Variants in PXT1 observed in about 807,000 individuals in gnomAD.
PXT1 encodes the protein peroxisomal testis enriched protein 1.
In PXT1, 11 loss-of-function variants were observed where a neutral mutation model predicts 11.0. The observed-to-expected ratio is 1.00, with a 90% CI of 0.63 to 1.66. PXT1 has a LOEUF of 1.66. Among genes scored for constraint, PXT1 ranks in the 40% most tolerant of loss-of-function variants. The pLI is 0.00. For missense variants in PXT1, 141 were observed against 155.5 expected (o/e 0.91, Z 0.49); for synonymous variants, 43 against 51.4 (o/e 0.84, Z 0.70).
chr6:36,420,252 T>C (rs1056578239), intron 3 of PXT1, among the ~76,000 whole-genome samples: 1 of 152,204 alleles, frequency 6.6e-6, no homozygotes, highest in South Asian at 2.1e-4. Flanking sequence ...TTGGTTTCAA[T>C]ATTAAGTAAT....
intron 3 of PXT1, among the ~76,000 whole-genome samples, chr6:36,403,298 T>G (rs1774240090): frequency 6.6e-6 from 1 of 152,266 alleles, no homozygotes. Context: ...TATGTCTGGC[T>G]GCAAAGCCCA....
chr6:36,438,198 C>A (rs1561935999), intron 2 of PXT1, among the ~76,000 whole-genome samples: 1 of 152,096 alleles, frequency 6.6e-6, no homozygotes, highest in Non-Finnish European at 1.5e-5. Context: ...CCACTATTAA[C>A]AATTTACCAG....
At chr6:36,429,508 C>CTTTTTTTTTTTTTTTTTTTTTTTTTTTTT (rs112777415) in intron 2 of PXT1, among the ~76,000 whole-genome samples, 1 of 108,214 alleles carries the variant, frequency 9.2e-6, no homozygotes. Context: ...TTTTTCTTTT[C>CTTTTTTTTTTTTTTTTTTTTTTTTTTTTT]TTTTTTTTTT....
At chr6:36,436,773 TG>T (rs1326312112) in intron 2 of PXT1, among the ~76,000 whole-genome samples, 4 of 152,168 alleles carry the variant, frequency 2.6e-5, no homozygotes, top group Admixed American at 6.5e-5. Flanking sequence ...AAAAATGCCA[TG>T]TAAGTAAAAG....
chr6:36,391,760 T>G lies in PXT1; in HGVS notation c.*10A>C, dbSNP rs192560200. 1.9e-6 allele frequency: 3 copies of G among 1,584,842 alleles called. No homozygotes were observed. ...AAACAGAACTTGACCACTTGACCTT[T>G]ACTTTCCTTTTACAGCAAATGGTTG... On this transcript the variant is annotated 3_prime_UTR_variant, in exon 5 of 5. Coordinates refer to ENST00000454782, the MANE Select transcript of PXT1 (RefSeq NM_152990.4).
intron 4 of PXT1, among the ~76,000 whole-genome samples, chr6:36,394,164 G>C (rs1774109376): frequency 6.6e-6 from 1 of 152,172 alleles, no homozygotes; most frequent in Non-Finnish European, 1.5e-5. Context: ...ACAAGAAAAA[G>C]TATAGAACAC....
intron 3 of PXT1, among the ~76,000 whole-genome samples, chr6:36,414,532 A>C (rs1774420839): frequency 6.6e-6 from 1 of 152,240 alleles, no homozygotes; most frequent in Non-Finnish European, 1.5e-5. Flanking sequence ...CTCTGTGTTA[A>C]ACCTGGCAGG....
chr6:36,403,432 G>GA (rs959023162), intron 3 of PXT1, among the ~76,000 whole-genome samples: 3 of 152,156 alleles, frequency 2.0e-5, no homozygotes, highest in African/African-American at 4.8e-5. Context: ...AGACAGGGAG[G>GA]AAAAAAACTC....
chr6:36,437,025 C>T (rs1774774155), intron 2 of PXT1, among the ~76,000 whole-genome samples: 1 of 152,132 alleles, frequency 6.6e-6, no homozygotes, highest in African/African-American at 2.4e-5. Context: ...GTGGCTCATG[C>T]CTGTAATCCC....
chr6:36,396,510 C>A (rs1477923404), intron 4 of PXT1, among the ~76,000 whole-genome samples: 1 of 152,208 alleles, frequency 6.6e-6, no homozygotes, highest in Non-Finnish European at 1.5e-5. Flanking sequence ...GGGGCTGAGT[C>A]CCGCATGGCG....
chr6:36,417,641 G>C (rs184465134), intron 3 of PXT1, among the ~76,000 whole-genome samples: 48 of 147,534 alleles, frequency 3.3e-4, no homozygotes, highest in Admixed American at 7.5e-4. Flanking sequence ...GGTGGTGTAC[G>C]CCTGCAGTCC....
At chr6:36,440,549 C>T (rs1249456354) in intron 1 of PXT1, among the ~76,000 whole-genome samples, 1 of 151,176 alleles carries the variant, frequency 6.6e-6, no homozygotes, top group Admixed American at 6.6e-5. Flanking sequence ...GATCACCCAG[C>T]CTGAGCAACA....
intron 2 of PXT1, among the ~76,000 whole-genome samples, chr6:36,429,630 T>G (rs958808227): frequency 4.7e-5 from 7 of 150,186 alleles, no homozygotes; most frequent in Non-Finnish European, 8.9e-5. Context: ...CTCAGCCTCC[T>G]GTGTAGCTGG....
intron 3 of PXT1, among the ~76,000 whole-genome samples, chr6:36,407,794 T>C (rs371713663): frequency 6.6e-6 from 1 of 152,174 alleles, no homozygotes; most frequent in East Asian, 1.9e-4. Context: ...GGAGAATCTA[T>C]CCTGTTGCCT....
At chr6:36,423,249 AAG>A (rs1774547704) in intron 3 of PXT1, among the ~76,000 whole-genome samples, 2 of 152,296 alleles carry the variant, frequency 1.3e-5, no homozygotes, top group Admixed American at 6.5e-5. Flanking sequence ...CTTCCTCAGT[AAG>A]AGTTTTCCTC....
chr6:36,407,170 A>C (rs781047060), intron 3 of PXT1, among the ~76,000 whole-genome samples: 25 of 152,304 alleles, frequency 1.6e-4, no homozygotes, highest in South Asian at 6.2e-4. Flanking sequence ...TTCAATGTAA[A>C]ACAGATTGAG....
intron 3 of PXT1, among the ~76,000 whole-genome samples, chr6:36,420,421 G>C (rs1774507729): frequency 6.6e-6 from 1 of 152,172 alleles, no homozygotes; most frequent in South Asian, 2.1e-4. Flanking sequence ...AAGCAAGTAA[G>C]AATCATGTGC....
intron 2 of PXT1, among the ~76,000 whole-genome samples, chr6:36,435,030 A>T (rs949222709): frequency 6.6e-6 from 1 of 152,202 alleles, no homozygotes; most frequent in African/African-American, 2.4e-5. Context: ...ACAAATATGG[A>T]CAATAAAAAA....
intron 2 of PXT1, among the ~76,000 whole-genome samples, chr6:36,428,270 C>G (rs1774637238): frequency 6.6e-6 from 1 of 152,010 alleles, no homozygotes; most frequent in African/African-American, 2.4e-5. Flanking sequence ...ACGGTGAAAC[C>G]CTGTCTCTAC....
Sources: allele counts gnomAD v4.1 joint callset (sites outside exome capture counted in the v4.1 genomes callset), GRCh38; gene constraint gnomAD v4.1.1; transcripts MANE v1.5; gene names NCBI Gene and HGNC (gene_info 2026-07-23, HGNC 2026-07-21).